Variants in NEK10 observed in about 807,000 individuals in gnomAD.
NEK10 encodes the protein NIMA related kinase 10.
NEK10 carries 122 observed loss-of-function variants against 159.8 expected under a neutral mutation model. The ratio of observed to expected loss-of-function variants is 0.76; its 90% CI spans 0.66 to 0.89. NEK10 has a LOEUF of 0.89. Ranked by LOEUF, NEK10 falls within the 40% of genes least tolerant of loss-of-function variation. The probability of loss-of-function intolerance (pLI) is 0.00; values close to 1 mark genes in which losing one functional copy is unlikely to be tolerated. For missense variants in NEK10, 1,342 were observed against 1,323.1 expected (o/e 1.01, Z -0.22); for synonymous variants, 466 against 457.1 (o/e 1.02, Z -0.25).
chr3:27,221,320 A>T (rs1952077437), intron 23 of NEK10, among the ~76,000 whole-genome samples: 1 of 152,238 alleles, frequency 6.6e-6, no homozygotes, highest in Non-Finnish European at 1.5e-5. Flanking sequence ...TAAAAACACA[A>T]GTAACCCAGT....
intron 30 of NEK10, among the ~76,000 whole-genome samples, chr3:27,147,822 A>G (rs1944449602): frequency 6.6e-6 from 1 of 152,200 alleles, no homozygotes; most frequent in Admixed American, 6.5e-5. Flanking sequence ...AAGTTCTACC[A>G]GTCTTACGCT....
intron 25 of NEK10, among the ~76,000 whole-genome samples, chr3:27,200,288 C>A (rs1271742518): frequency 6.6e-6 from 1 of 152,032 alleles, no homozygotes; most frequent in Non-Finnish European, 1.5e-5. Flanking sequence ...TATTATAGTT[C>A]ATCAGAGATG....
At chr3:27,206,170 G>A (rs1950524307) in intron 23 of NEK10, among the ~76,000 whole-genome samples, 1 of 152,122 alleles carries the variant, frequency 6.6e-6, no homozygotes, top group African/African-American at 2.4e-5. Flanking sequence ...AGAGACACAA[G>A]CATTCAGTTT....
At chr3:27,355,833 T>C (rs1277570695) in intron 1 of NEK10, among the ~76,000 whole-genome samples, 2 of 152,134 alleles carry the variant, frequency 1.3e-5, no homozygotes, top group Admixed American at 1.3e-4. Context: ...CCTCTCCCTC[T>C]TGCTTCCTCC....
chr3:27,262,082 C>G (rs1444257338), intron 22 of NEK10, among the ~76,000 whole-genome samples: 1 of 152,020 alleles, frequency 6.6e-6, no homozygotes, highest in Non-Finnish European at 1.5e-5. Context: ...CTTGGGAGAT[C>G]TTCCTCCATC....
intron 5 of NEK10, among the ~76,000 whole-genome samples, chr3:27,324,179 G>A (rs142372939): frequency 4.6e-5 from 7 of 152,236 alleles, no homozygotes; most frequent in East Asian, 1.9e-4. Flanking sequence ...CTATTTTGTC[G>A]CTCAGCTGTC....
At chr3:27,175,443 A>G (rs1400527417) in intron 26 of NEK10, among the ~76,000 whole-genome samples, 1 of 152,216 alleles carries the variant, frequency 6.6e-6, no homozygotes, top group Non-Finnish European at 1.5e-5. Context: ...TGATAGCACT[A>G]CAAAGTCATC....
At chr3:27,144,907 A>G (rs1944147559) in intron 30 of NEK10, among the ~76,000 whole-genome samples, 1 of 152,220 alleles carries the variant, frequency 6.6e-6, no homozygotes, top group Non-Finnish European at 1.5e-5. Flanking sequence ...TTTTTAGTAG[A>G]GACAGGGTTT....
chr3:27,197,315 A>C (rs965726078), intron 25 of NEK10, among the ~76,000 whole-genome samples: 10 of 151,572 alleles, frequency 6.6e-5, no homozygotes, highest in African/African-American at 1.9e-4. Context: ...AGCTGGAATT[A>C]CAGGCGCACA....
At chr3:27,217,254 C>T (rs1227911751) in intron 23 of NEK10, among the ~76,000 whole-genome samples, 1 of 152,048 alleles carries the variant, frequency 6.6e-6, no homozygotes, top group Non-Finnish European at 1.5e-5. Context: ...GAAGAAAATC[C>T]TGTATTCGTC....
intron 33 of NEK10, among the ~76,000 whole-genome samples, chr3:27,118,854 G>A (rs1482418296): frequency 6.6e-6 from 1 of 152,184 alleles, no homozygotes; most frequent in Non-Finnish European, 1.5e-5. Flanking sequence ...CCAAAGGAAA[G>A]TTTGTCAATT....
At chr3:27,333,936 T>C (rs916740830) in intron 5 of NEK10, among the ~76,000 whole-genome samples, 4 of 152,188 alleles carry the variant, frequency 2.6e-5, no homozygotes, top group African/African-American at 9.7e-5. Flanking sequence ...ACTAAAAACA[T>C]TGCCTCTCCA....
chr3:27,315,060 G>C (rs912038131), intron 6 of NEK10, among the ~76,000 whole-genome samples: 1 of 152,164 alleles, frequency 6.6e-6, no homozygotes, highest in African/African-American at 2.4e-5. Context: ...GACCAGCCTA[G>C]AGATCTACTA....
chr3:27,132,943 ATG>A (rs1464005409), intron 31 of NEK10, among the ~76,000 whole-genome samples: 1 of 152,174 alleles, frequency 6.6e-6, no homozygotes, highest in East Asian at 1.9e-4. Context: ...AGAAAGAAGA[ATG>A]TATCAGAAAT....
intron 32 of NEK10, among the ~76,000 whole-genome samples, chr3:27,126,010 A>G (rs572568261): frequency 6.6e-6 from 1 of 152,308 alleles, no homozygotes; most frequent in South Asian, 2.1e-4. Context: ...TGTTCAAAAC[A>G]GGTTGCTGCT....
In NEK10 at chr3:27,127,266, C is replaced by A. The variant is rs543192964; in HGVS notation, c.3081+4614G>T. On this transcript the variant is annotated intron_variant, in intron 32 of 35. Coordinates refer to ENST00000691995, the MANE Select transcript of NEK10 (RefSeq NM_001394966.1). ...ATGGCTCTTTAAAAGAGATGGATTT[C>A]TTTTTAAAAAACAAAACCACAATAT... is the stretch of plus-strand genomic sequence containing the variant. Among the ~76,000 whole-genome samples, 9 of 152,154 alleles carry A rather than the reference C, an allele frequency of 5.9e-5. No homozygotes were observed. The South Asian group carries it at 1.9e-3, about 32-fold the overall frequency.
At position 27,304,933 on chromosome 3, in the gene NEK10, G is replaced by A. The variant is rs1281506337; in HGVS notation, c.842C>T (p.Pro281Leu). ...GAGCTTCACCTGCTCTTTCACCTGGGGCTCTGCACAAAGTAGGCGCAGCAA... is the reference window on the plus strand; with the variant it reads ...GAGCTTCACCTGCTCTTTCACCTGGAGCTCTGCACAAAGTAGGCGCAGCAA... ...AELLRLLCAE[P>L]QVKEQVKLYE... Residue 281 changes from proline (P) to leucine (L), a missense_variant, in exon 12 of 36, where the codon CCC (proline) becomes CTC (leucine). Transcript: ENST00000691995. 3.1e-6 allele frequency: 5 copies of A among 1,613,216 alleles called. No individual in the cohort carries two copies. The Admixed American group carries it at 8.3e-5, about 27-fold the overall frequency.
chr3:27,178,096 G>A (rs1947707925), intron 26 of NEK10, among the ~76,000 whole-genome samples: 1 of 152,152 alleles, frequency 6.6e-6, no homozygotes, highest in South Asian at 2.1e-4. Flanking sequence ...CACTGATATG[G>A]AAATCAGCAC....
At chr3:27,237,503 T>C (rs1234050321) in intron 23 of NEK10, among the ~76,000 whole-genome samples, 2 of 152,304 alleles carry the variant, frequency 1.3e-5, no homozygotes, top group African/African-American at 2.4e-5. Flanking sequence ...CTTCACAATT[T>C]ATGTTCCTCT....
Sources: allele counts gnomAD v4.1 joint callset (sites outside exome capture counted in the v4.1 genomes callset), GRCh38; gene constraint gnomAD v4.1.1; transcripts MANE v1.5; gene names NCBI Gene and HGNC (gene_info 2026-07-23, HGNC 2026-07-21).